CNTNAP2: variants seen among roughly 807,000 people sequenced by gnomAD.
CNTNAP2 encodes contactin associated protein 2.
A neutral mutation model predicts 155.2 loss-of-function variants in CNTNAP2; 98 were observed. The observed-to-expected ratio is 0.63, with a 90% CI of 0.54 to 0.75. The LOEUF (loss-of-function observed/expected upper bound fraction) is 0.75. CNTNAP2 is among the 30% of genes least tolerant of loss of function. The probability of loss-of-function intolerance (pLI) is 0.00; values close to 1 mark genes in which losing one functional copy is unlikely to be tolerated. For missense variants in CNTNAP2, 1,727 were observed against 1,688.1 expected (o/e 1.02, Z -0.40); for synonymous variants, 651 against 631.2 (o/e 1.03, Z -0.47).
chr7:147,654,994 T>A (rs1252458075), intron 13 of CNTNAP2, among the ~76,000 whole-genome samples: 1 of 151,526 alleles, frequency 6.6e-6, no homozygotes, highest in East Asian at 1.9e-4. Context: ...TTTTTGTATT[T>A]TTAGTAGAGA....
rs144286575 is a variant in CNTNAP2, at chr7:146,118,519, T to A, written c.97+1546T>A. Reference sequence around the variant, plus strand: ...GTATAGAATTTCCTGCCACTTTTCCTGGAAAATAAACTCCTCATATATTAA... The same window carrying A: ...GTATAGAATTTCCTGCCACTTTTCCAGGAAAATAAACTCCTCATATATTAA... On this transcript the variant is annotated intron_variant, in intron 1 of 23. Transcript: ENST00000361727. Among the ~76,000 whole-genome samples, 776 of 152,234 alleles carry A rather than the reference T, an allele frequency of 5.1e-3. 1 individual carries two copies. Among genetic ancestry groups the A allele is most frequent in the African/African-American group, 0.017 (724 of 41,552 alleles).
chr7:147,493,776 A>G (rs916315545), intron 11 of CNTNAP2, among the ~76,000 whole-genome samples: 4 of 152,176 alleles, frequency 2.6e-5, no homozygotes, highest in African/African-American at 4.8e-5. Context: ...GGGGAAAAAA[A>G]TGATTTAATA....
chr7:146,740,986 C>T (rs1055368319), intron 1 of CNTNAP2, among the ~76,000 whole-genome samples: 8 of 152,130 alleles, frequency 5.3e-5, no homozygotes, highest in South Asian at 4.2e-4. Flanking sequence ...GGTACTGGTT[C>T]GGAATATGGA....
chr7:147,657,273 A>G (rs1300675001), intron 13 of CNTNAP2, among the ~76,000 whole-genome samples: 2 of 152,198 alleles, frequency 1.3e-5, no homozygotes. Context: ...TAAATTAACT[A>G]CAAGTGAATC....
At chr7:148,084,484 C>G (rs971983814) in intron 15 of CNTNAP2, among the ~76,000 whole-genome samples, 2 of 152,180 alleles carry the variant, frequency 1.3e-5, no homozygotes, top group Admixed American at 1.3e-4. Flanking sequence ...GCTCTCAGAC[C>G]TTGAATATAA....
intron 18 of CNTNAP2, among the ~76,000 whole-genome samples, chr7:148,215,880 A>G (rs965823163): frequency 6.6e-6 from 1 of 152,330 alleles, no homozygotes; most frequent in African/African-American, 2.4e-5. Context: ...AAGAACAAAC[A>G]TCAAAATTCC....
chr7:148,251,949 A>C (rs1796370457), intron 20 of CNTNAP2, among the ~76,000 whole-genome samples: 1 of 152,236 alleles, frequency 6.6e-6, no homozygotes, highest in South Asian at 2.1e-4. Flanking sequence ...AGGAGCCTGT[A>C]GGGCACAGTC....
At chr7:147,691,098 A>G (rs1796080620) in intron 13 of CNTNAP2, among the ~76,000 whole-genome samples, 1 of 152,156 alleles carries the variant, frequency 6.6e-6, no homozygotes, top group South Asian at 2.1e-4. Context: ...TTCATCAAAG[A>G]TATAAATGAC....
At chr7:147,256,695 C>T (rs565189148) in intron 8 of CNTNAP2, among the ~76,000 whole-genome samples, 1 of 152,220 alleles carries the variant, frequency 6.6e-6, no homozygotes, top group East Asian at 1.9e-4. Flanking sequence ...TGAGGACTAA[C>T]ATGTGAAGTT....
At chr7:146,741,181 G>A (rs1801709996) in intron 1 of CNTNAP2, among the ~76,000 whole-genome samples, 1 of 152,082 alleles carries the variant, frequency 6.6e-6, no homozygotes, top group Non-Finnish European at 1.5e-5. Context: ...CCCTTTCAAT[G>A]TGTCTTTTCT....
chr7:148,265,905 G>A (rs1474536012), intron 20 of CNTNAP2, among the ~76,000 whole-genome samples: 1 of 152,184 alleles, frequency 6.6e-6, no homozygotes, highest in Non-Finnish European at 1.5e-5. Context: ...TCACTTGCCT[G>A]CCCTCTTTCT....
intron 1 of CNTNAP2, among the ~76,000 whole-genome samples, chr7:146,761,164 A>G (rs933757566): frequency 3.3e-5 from 5 of 152,170 alleles, no homozygotes; most frequent in Non-Finnish European, 7.3e-5. Flanking sequence ...TGCCAAGAAT[A>G]CAGAAGCAAA....
intron 1 of CNTNAP2, among the ~76,000 whole-genome samples, chr7:146,743,429 A>G (rs1413806618): frequency 6.6e-6 from 1 of 152,172 alleles, no homozygotes; most frequent in African/African-American, 2.4e-5. Context: ...TTGTCTTTGA[A>G]TGCATCTTAT....
intron 1 of CNTNAP2, among the ~76,000 whole-genome samples, chr7:146,250,432 C>G (rs1441966122): frequency 1.3e-5 from 2 of 152,146 alleles, no homozygotes; most frequent in Non-Finnish European, 2.9e-5. Flanking sequence ...ATTTAAAGGT[C>G]GCATGGATAG....
At chr7:147,308,039 T>C (rs1212588863) in intron 9 of CNTNAP2, among the ~76,000 whole-genome samples, 1 of 152,294 alleles carries the variant, frequency 6.6e-6, no homozygotes, top group East Asian at 1.9e-4. Context: ...GACAGGAAGT[T>C]CTTGGGAGGG....
At chr7:146,138,126 A>G (rs888666767) in intron 1 of CNTNAP2, among the ~76,000 whole-genome samples, 1 of 152,164 alleles carries the variant, frequency 6.6e-6, no homozygotes, top group East Asian at 1.9e-4. Flanking sequence ...CTCAAGCTCT[A>G]AAACTATAAA....
At chr7:147,586,752 A>C (rs1800634580) in intron 12 of CNTNAP2, among the ~76,000 whole-genome samples, 1 of 152,104 alleles carries the variant, frequency 6.6e-6, no homozygotes, top group African/African-American at 2.4e-5. Context: ...TCAGGGCTGA[A>C]ATCAGTTCCT....
intron 15 of CNTNAP2, among the ~76,000 whole-genome samples, chr7:148,023,992 A>G (rs532004843): frequency 6.6e-6 from 1 of 152,136 alleles, no homozygotes; most frequent in Non-Finnish European, 1.5e-5. Flanking sequence ...TTTCAAATTC[A>G]CATAAAAGGA....
chr7:146,924,483 A>T (rs1197990711), intron 3 of CNTNAP2, among the ~76,000 whole-genome samples: 1 of 152,182 alleles, frequency 6.6e-6, no homozygotes, highest in Non-Finnish European at 1.5e-5. Flanking sequence ...ACAGTTAGTC[A>T]ATGTGAGACA....
Sources: gnomAD v4.1 joint callset for allele counts (sites outside exome capture counted in the v4.1 genomes callset) on GRCh38, gnomAD v4.1.1 for gene constraint, MANE v1.5 for transcripts, NCBI Gene and HGNC (gene_info 2026-07-23, HGNC 2026-07-21) for gene names.